The following ABCA13 variants were observed in gnomAD, a reference collection of about 807,000 sequenced individuals.
ABCA13 encodes the protein ATP binding cassette subfamily A member 13.
ABCA13 carries 476 observed loss-of-function variants against 478.7 expected under a neutral mutation model. The ratio of observed to expected loss-of-function variants is 0.99; its 90% confidence interval spans 0.92 to 1.07. The LOEUF is 1.07. Among genes scored for constraint, ABCA13 ranks in the 50% least tolerant of loss-of-function variants. The probability of loss-of-function intolerance (pLI) is 0.00; values close to 1 mark genes in which losing one functional copy is unlikely to be tolerated. For synonymous variants in ABCA13, 2,252 were observed against 2,158.9 expected (o/e 1.04, Z -1.20); for missense variants, 6,060 against 5,910.6 (o/e 1.03, Z -0.83).
chr7:48,286,025 G>A (rs1797686856), intron 19 of ABCA13, among the ~76,000 whole-genome samples: 2 of 152,180 alleles, frequency 1.3e-5, no homozygotes, highest in Non-Finnish European at 2.9e-5. Flanking sequence ...AACTGTTTTA[G>A]TAATTAATAA....
chr7:48,469,464 C>T (rs998130177), intron 44 of ABCA13, among the ~76,000 whole-genome samples: 4 of 152,154 alleles, frequency 2.6e-5, no homozygotes, highest in Admixed American at 6.5e-5. Context: ...GTGTGACCCA[C>T]GCAACTTGCT....
intron 42 of ABCA13, among the ~76,000 whole-genome samples, chr7:48,439,717 A>T (rs1823324332): frequency 6.6e-6 from 1 of 152,172 alleles, no homozygotes; most frequent in Non-Finnish European, 1.5e-5. Flanking sequence ...AAAATTTTAT[A>T]AGAGCTCTGT....
chr7:48,565,918 C>G (rs531308493), intron 55 of ABCA13, among the ~76,000 whole-genome samples: 1 of 152,242 alleles, frequency 6.6e-6, no homozygotes, highest in South Asian at 2.1e-4. Flanking sequence ...AAAAACAATT[C>G]AGATATTCAG....
At chr7:48,347,412 T>A (rs1808285962) in intron 29 of ABCA13, among the ~76,000 whole-genome samples, 1 of 151,966 alleles carries the variant, frequency 6.6e-6, no homozygotes, top group Non-Finnish European at 1.5e-5. Context: ...CCTCCCTGGG[T>A]GGAGTAATTT....
chr7:48,570,797 A>C (rs765498500), intron 55 of ABCA13, among the ~76,000 whole-genome samples: 4 of 152,152 alleles, frequency 2.6e-5, no homozygotes, highest in Non-Finnish European at 5.9e-5. Flanking sequence ...GAGCTAAATA[A>C]TCTAATTATT....
intron 7 of ABCA13, among the ~76,000 whole-genome samples, 171 bp from the exon 8 acceptor site, chr7:48,233,847 A>G (rs961305426): frequency 1.3e-5 from 2 of 152,246 alleles, no homozygotes; most frequent in African/African-American, 4.8e-5. Context: ...CATTCTCTCT[A>G]TAGCAGCAAG....
intron 2 of ABCA13, among the ~76,000 whole-genome samples, chr7:48,195,019 A>G (rs1167855783): frequency 6.6e-6 from 1 of 152,248 alleles, no homozygotes; most frequent in Non-Finnish European, 1.5e-5. Flanking sequence ...ACAGGGAGCC[A>G]TGTGAGCACA....
In ABCA13 at chr7:48,278,325, T is replaced by C; in HGVS notation, c.7131T>C (p.Asn2377=). 1 of 1,612,838 alleles carries C rather than the reference T, an allele frequency of 6.2e-7. No individual in the cohort carries two copies. The highest frequency in any genetic ancestry group is 8.5e-7 in the Non-Finnish European group (1 of 1,179,202). ...NALLRETSMK[N]KTENNIDFFT... ...TTCTCAGGGAAACTTCAATGAAAAA[T>C]AAGACTGAAAATAATATAGACTTTT... Residue 2377 remains asparagine, a synonymous_variant, in exon 18 of 62, where the codon AAT becomes AAC. Coordinates refer to ENST00000435803, the MANE Select transcript of ABCA13 (RefSeq NM_152701.5).
intron 27 of ABCA13, 69 bp downstream of exon 27, chr7:48,317,365 G>A (rs565691861): frequency 4.0e-6 from 6 of 1,504,706 alleles, no homozygotes; most frequent in Non-Finnish European, 5.4e-6. Context: ...CTTTAAAAAT[G>A]TCTGACATAA....
intron 59 of ABCA13, among the ~76,000 whole-genome samples, chr7:48,632,839 A>G (rs1049017201): frequency 6.6e-6 from 1 of 152,322 alleles, no homozygotes; most frequent in East Asian, 1.9e-4. Flanking sequence ...GTTTTCAATA[A>G]GTAGTGCTAG....
intron 58 of ABCA13, among the ~76,000 whole-genome samples, chr7:48,601,505 G>C (rs1790891275): frequency 6.6e-6 from 1 of 152,148 alleles, no homozygotes; most frequent in Admixed American, 6.6e-5. Context: ...ACTTTGCTGA[G>C]AATGATGATT....
At chr7:48,378,877 G>T (rs569249838) in intron 35 of ABCA13, among the ~76,000 whole-genome samples, 1 of 152,284 alleles carries the variant, frequency 6.6e-6, no homozygotes, top group Admixed American at 6.5e-5. Context: ...CAGATACACT[G>T]GATCCTACAC....
intron 48 of ABCA13, among the ~76,000 whole-genome samples, chr7:48,506,007 T>A (rs1239661557): frequency 6.6e-6 from 1 of 152,224 alleles, no homozygotes; most frequent in Non-Finnish European, 1.5e-5. Context: ...AGCCTGAGTA[T>A]GTTTCCTCTC....
chr7:48,457,577 A>G (rs570772053), intron 43 of ABCA13, among the ~76,000 whole-genome samples: 1 of 152,348 alleles, frequency 6.6e-6, no homozygotes, highest in Non-Finnish European at 1.5e-5. Context: ...GAATTAAGAT[A>G]TTTTAATATT....
intron 41 of ABCA13, among the ~76,000 whole-genome samples, chr7:48,416,273 C>T (rs939088471): frequency 1.3e-5 from 2 of 152,176 alleles, no homozygotes; most frequent in African/African-American, 4.8e-5. Context: ...ACAGAGGCCA[C>T]CAGTGCTCCT....
chr7:48,266,678 G>A (rs1020018181), intron 15 of ABCA13, among the ~76,000 whole-genome samples: 6 of 151,496 alleles, frequency 4.0e-5, no homozygotes, highest in Non-Finnish European at 7.4e-5. Context: ...TTTCTCTAAT[G>A]TTTTTATTTT....
intron 55 of ABCA13, among the ~76,000 whole-genome samples, chr7:48,558,968 T>G (rs1786157795): frequency 6.6e-6 from 1 of 152,328 alleles, no homozygotes; most frequent in Admixed American, 6.5e-5. Context: ...GCCTTTTTGC[T>G]TTCTTCTTTG....
intron 48 of ABCA13, among the ~76,000 whole-genome samples, chr7:48,501,172 G>A (rs987065408): frequency 6.6e-6 from 1 of 152,152 alleles, no homozygotes; most frequent in Non-Finnish European, 1.5e-5. Flanking sequence ...AGTGGAGGGA[G>A]GTGGGGAGTG....
At chr7:48,281,621 A>G (rs1292239093) in intron 19 of ABCA13, among the ~76,000 whole-genome samples, 169 bp downstream of exon 19, 1 of 151,870 alleles carries the variant, frequency 6.6e-6, no homozygotes, top group Non-Finnish European at 1.5e-5. Flanking sequence ...CCTCATTCCC[A>G]CCACTGGGCC....
Sources: allele counts gnomAD v4.1 joint callset (sites outside exome capture counted in the v4.1 genomes callset), GRCh38; gene constraint gnomAD v4.1.1; transcripts MANE v1.5; gene names NCBI Gene and HGNC (gene_info 2026-07-23, HGNC 2026-07-21).